ABL1: variants seen among roughly 807,000 people sequenced by gnomAD.
ABL1 encodes tyrosine-protein kinase ABL1.
In ABL1, 11 loss-of-function variants were observed where a neutral mutation model predicts 94.7. The observed-to-expected ratio is 0.12, with a 90% CI of 0.07 to 0.19. The LOEUF (loss-of-function observed/expected upper bound fraction) is 0.19. Ranked by LOEUF, ABL1 falls within the 10% of genes least tolerant of loss-of-function variation. The probability of loss-of-function intolerance (pLI) is 1.00; values close to 1 mark genes in which losing one functional copy is unlikely to be tolerated. For synonymous variants in ABL1, 656 were observed against 622.4 expected (o/e 1.05, Z -0.80); for missense variants, 1,082 against 1,489.4 (o/e 0.73, Z 4.50).
At chr9:130,736,524 C>G (rs1158366967) in intron 1 of ABL1, among the ~76,000 whole-genome samples, 1 of 151,882 alleles carries the variant, frequency 6.6e-6, no homozygotes, top group Non-Finnish European at 1.5e-5. Context: ...AAGTTTCGCT[C>G]TTGTTGTCCA....
At chr9:130,719,122 A>T (rs752019394) in intron 1 of ABL1, among the ~76,000 whole-genome samples, 14 of 152,152 alleles carry the variant, frequency 9.2e-5, no homozygotes, top group Non-Finnish European at 1.6e-4. Flanking sequence ...ATCTCTAGGG[A>T]CTTGGAGCTT....
chr9:130,756,770 AG>A (rs1832046267), intron 1 of ABL1, among the ~76,000 whole-genome samples: 1 of 152,200 alleles, frequency 6.6e-6, no homozygotes, highest in Admixed American at 6.5e-5. Flanking sequence ...GTGTTCTAAT[AG>A]GGATGCCTGA....
intron 1 of ABL1, among the ~76,000 whole-genome samples, chr9:130,843,678 G>GT (rs1464114201): frequency 6.6e-6 from 1 of 152,122 alleles, no homozygotes; most frequent in Non-Finnish European, 1.5e-5. Flanking sequence ...GGAAGGACCG[G>GT]TTAGAGAAGG....
At chr9:130,833,583 A>C (rs1050402845), upstream of ABL1, among the ~76,000 whole-genome samples, 2 of 152,178 alleles carry the variant, frequency 1.3e-5, no homozygotes, top group African/African-American at 4.8e-5. Flanking sequence ...AACTTCCCTG[A>C]TGGTGCCCTC....
At chr9:130,776,814 A>G (rs1829664931) in intron 1 of ABL1, among the ~76,000 whole-genome samples, 1 of 151,776 alleles carries the variant, frequency 6.6e-6, no homozygotes, top group Non-Finnish European at 1.5e-5. Flanking sequence ...CTGGTCCCAA[A>G]CCCCTGGGCT....
chr9:130,750,838 G>A (rs1420061194), intron 1 of ABL1, among the ~76,000 whole-genome samples: 3 of 151,162 alleles, frequency 2.0e-5, no homozygotes, highest in African/African-American at 4.9e-5. Flanking sequence ...TTAGACACAG[G>A]GTTTCACCAT....
chr9:130,883,998 C>G lies in ABL1; in HGVS notation c.1708C>G (p.Pro570Ala). Reference sequence around the variant, plus strand: ...TCTGGACCATGAGCCTGCCGTGTCTCCATTGCTCCCTCGAAAAGAGCGAGG... The same window carrying G: ...TCTGGACCATGAGCCTGCCGTGTCTGCATTGCTCCCTCGAAAAGAGCGAGG... ...DPLDHEPAVS[P>A]LLPRKERGPP... is the part of the protein sequence containing the mutation. Residue 570 changes from proline (P) to alanine (A), a missense_variant, in exon 11 of 11, where the codon CCA becomes GCA. By Grantham distance (27) the Pro-to-Ala change is conservative. Coordinates refer to ENST00000318560, the MANE Select transcript of ABL1 (RefSeq NM_005157.6). The G allele has an allele frequency of 6.2e-7, 1 of 1,613,486 alleles. No individual in the cohort carries two copies. Among genetic ancestry groups the G allele is most frequent in the Non-Finnish European group, 8.5e-7 (1 of 1,179,934 alleles).
At chr9:130,847,195 A>AAGATCCAGATCTT (rs1209648633) in intron 1 of ABL1, among the ~76,000 whole-genome samples, 3 of 152,180 alleles carry the variant, frequency 2.0e-5, no homozygotes, top group Non-Finnish European at 2.9e-5. Context: ...GGCACTTTTG[A>AAGATCCAGATCTT]AGATCCAGAT....
chr9:130,735,798 G>A (rs564585907), intron 1 of ABL1, among the ~76,000 whole-genome samples: 14 of 151,460 alleles, frequency 9.2e-5, no homozygotes, highest in African/African-American at 3.1e-4. Context: ...CCTAAAAGTC[G>A]GGGCACTGGG....
At chr9:130,776,671 T>C (rs1283824640) in intron 1 of ABL1, among the ~76,000 whole-genome samples, 1 of 151,876 alleles carries the variant, frequency 6.6e-6, no homozygotes, top group Non-Finnish European at 1.5e-5. Flanking sequence ...TTGGTAGCCC[T>C]GGAGGAGCTG....
In ABL1 at chr9:130,884,865, T is replaced by C. The variant is rs2133037790; in HGVS notation, c.2575T>C (p.Ser859Pro). Residue 859 changes from serine to proline, a missense_variant, in exon 11 of 11, where the codon TCA becomes CCA. Ser to Pro is a moderately conservative substitution (Grantham distance 74). Coordinates refer to ENST00000318560, the MANE Select transcript of ABL1 (RefSeq NM_005157.6). The surrounding 1 kb of genome is among the most constrained non-coding windows in gnomAD (Gnocchi z 5.6). The part of the protein sequence containing the change: ...EPVTPTSKAG[S>P]GAPGGTSKGP... ...AGTGACCCCCACCAGCAAAGCAGGC[T>C]CAGGTGCACCAGGGGGCACCAGCAA... 6.2e-7 allele frequency: 1 copy of C among 1,607,170 alleles called. No individual in the cohort carries two copies. The highest frequency in any genetic ancestry group is 8.5e-7 in the Non-Finnish European group (1 of 1,176,768).
At position 130,835,417 on chromosome 9, in the gene ABL1, T is replaced by C. The variant is rs7866590; in HGVS notation, c.-30T>C. Reference sequence around the variant, plus strand: ...CCCGCGGACCGAGCTGGGAGAGGGGTTCCGGCCCCCGACGTGCTGGCGCGG... The same window carrying C: ...CCCGCGGACCGAGCTGGGAGAGGGGCTCCGGCCCCCGACGTGCTGGCGCGG... On this transcript the variant is annotated 5_prime_UTR_variant, in exon 1 of 11. Coordinates refer to ENST00000318560, the MANE Select transcript of ABL1 (RefSeq NM_005157.6). The surrounding 1 kb of genome is among the most constrained non-coding windows in gnomAD (Gnocchi z 4.6). 1,460,332 of 1,479,702 alleles carry C rather than the reference T, an allele frequency of 0.99. 720,632 individuals are homozygous for C. The highest frequency in any genetic ancestry group is 1 in the East Asian group (38,010 of 38,010). The allele number at this position is 1,479,702 out of a possible 1,614,324, so 91.7% of individuals were successfully genotyped here.
At chr9:130,762,163 A>G (rs1832124595) in intron 1 of ABL1, among the ~76,000 whole-genome samples, 1 of 145,052 alleles carries the variant, frequency 6.9e-6, no homozygotes, top group Middle Eastern at 3.4e-3. Context: ...AAAAAAATTC[A>G]CAAGTACAGA....
chr9:130,849,661 G>A (rs1830826671), intron 1 of ABL1, among the ~76,000 whole-genome samples: 2 of 152,092 alleles, frequency 1.3e-5, no homozygotes, highest in Admixed American at 1.3e-4. Flanking sequence ...TGGATTACAG[G>A]CATGCGCCAC....
intron 1 of ABL1, among the ~76,000 whole-genome samples, chr9:130,789,118 G>T (rs1443001951): frequency 2.0e-5 from 3 of 152,098 alleles, no homozygotes; most frequent in African/African-American, 7.2e-5. Context: ...ACAAACCTTG[G>T]GTTCTCTTAG....
At chr9:130,851,241 G>A (rs1014116307) in intron 1 of ABL1, among the ~76,000 whole-genome samples, 3 of 152,098 alleles carry the variant, frequency 2.0e-5, no homozygotes, top group East Asian at 1.9e-4. Context: ...GTAAATAGTC[G>A]AGAAAGGGGG....
chr9:130,858,140 A>G (rs1831005293), intron 3 of ABL1, among the ~76,000 whole-genome samples: 1 of 151,478 alleles, frequency 6.6e-6, no homozygotes, highest in Non-Finnish European at 1.5e-5. Context: ...TCTTTTCCCT[A>G]GAGCTGTTTA....
intron 1 of ABL1, among the ~76,000 whole-genome samples, chr9:130,841,326 C>G (rs1432620349): frequency 6.6e-6 from 1 of 151,824 alleles, no homozygotes; most frequent in Non-Finnish European, 1.5e-5. Context: ...CCAGGATGGT[C>G]TCCATCTCCT....
At chr9:130,858,765 G>A (rs1038492890) in intron 3 of ABL1, among the ~76,000 whole-genome samples, 1 of 152,136 alleles carries the variant, frequency 6.6e-6, no homozygotes, top group Non-Finnish European at 1.5e-5. Context: ...AATAAGTTTG[G>A]TTCTTATTTT....
Sources: gnomAD v4.1 joint callset for allele counts (sites outside exome capture counted in the v4.1 genomes callset) on GRCh38, gnomAD v4.1.1 for gene constraint, Gnocchi (gnomAD v3.1) non-coding constraint, MANE v1.5 for transcripts, NCBI Gene and HGNC (gene_info 2026-07-23, HGNC 2026-07-21) for gene names.